FAF1: variants seen among roughly 807,000 people sequenced by gnomAD.
FAF1 encodes the protein FAS-associated factor 1.
In FAF1, 25 loss-of-function variants were observed where a neutral mutation model predicts 92.5. The observed-to-expected ratio is 0.27, with a 90% CI of 0.20 to 0.38. The LOEUF is 0.38. FAF1 is among the 10% of genes least tolerant of loss of function. The pLI is 1.00. For synonymous variants in FAF1, 234 were observed against 273.2 expected (o/e 0.86, Z 1.42); for missense variants, 636 against 793.3 (o/e 0.80, Z 2.38).
Position 50,959,857 on chromosome 1 carries a change from G to A in FAF1, c.-46C>T, listed in dbSNP as rs756330226. On this transcript the variant is annotated 5_prime_UTR_variant, in exon 1 of 19. Transcript: ENST00000396153. The stretch of plus-strand genomic sequence containing the variant: ...GCTCCGGGAGCGAAGCGCGCACCTG[G>A]GAGGCAGACGGCACCTCCTGCGACC... 4 of 1,462,816 alleles carry A rather than the reference G, an allele frequency of 2.7e-6. No individual in the cohort carries two copies. The East Asian group carries it at 8.6e-5, about 31-fold the overall frequency. 90.6% of individuals were successfully genotyped at this position (1,462,816 alleles called of 1,614,324 possible). A position where few individuals can be genotyped will look rare whatever the true frequency, so the allele number is the denominator to read the frequency against.
intron 18 of FAF1, among the ~76,000 whole-genome samples, chr1:50,442,727 G>C (rs1646184414): frequency 6.6e-6 from 1 of 152,208 alleles, no homozygotes; most frequent in African/African-American, 2.4e-5. Flanking sequence ...GGGGGATATG[G>C]GGAAGTGGAG....
intron 7 of FAF1, among the ~76,000 whole-genome samples, chr1:50,669,014 C>T (rs1655753237): frequency 6.6e-6 from 1 of 152,154 alleles, no homozygotes; most frequent in Non-Finnish European, 1.5e-5. Context: ...AAAAAACCGC[C>T]ACAAACCATG....
chr1:50,531,395 C>T (rs1648160492), intron 15 of FAF1, among the ~76,000 whole-genome samples: 1 of 152,112 alleles, frequency 6.6e-6, no homozygotes, highest in Admixed American at 6.6e-5. Context: ...TCTTGATTAT[C>T]AGAGGTTTCT....
At chr1:50,514,195 TTA>T (rs905415743) in intron 15 of FAF1, among the ~76,000 whole-genome samples, 3 of 152,256 alleles carry the variant, frequency 2.0e-5, no homozygotes, top group Admixed American at 2.0e-4. Context: ...CACCATTTAT[TTA>T]TATGTCTATT....
At chr1:50,452,016 C>A in intron 18 of FAF1, 1 of 1,262,794 alleles carries the variant, frequency 7.9e-7, no homozygotes, top group Non-Finnish European at 1.0e-6. Context: ...TATTAAATGA[C>A]AATATAAGTG....
rs74686822 is a variant in FAF1, at chr1:50,503,324, T to C, written c.1495-11523A>G. Among the ~76,000 whole-genome samples, 84 of 152,148 alleles carry C rather than the reference T, an allele frequency of 5.5e-4. 3 individuals are homozygous for C. In the East Asian group the frequency reaches 0.015, roughly 28 times the overall value. On this transcript the variant is annotated intron_variant, in intron 15 of 18. Coordinates refer to ENST00000396153, the MANE Select transcript of FAF1 (RefSeq NM_007051.3). ...AATTCCATTTCCATAAAAAATTGTA[T>C]AGATATTGTTAATGGGCCAGGTGCA...
intron 1 of FAF1, among the ~76,000 whole-genome samples, chr1:50,929,561 C>A (rs1310393715): frequency 6.6e-6 from 1 of 152,158 alleles, no homozygotes; most frequent in African/African-American, 2.4e-5. Flanking sequence ...CTTACATTAT[C>A]TTTTCTATCC....
At chr1:50,471,659 AG>A (rs1486187253) in intron 18 of FAF1, among the ~76,000 whole-genome samples, 1 of 152,176 alleles carries the variant, frequency 6.6e-6, no homozygotes, top group Non-Finnish European at 1.5e-5. Context: ...CACGTTCCCT[AG>A]GCTAGAACAG....
intron 8 of FAF1, among the ~76,000 whole-genome samples, chr1:50,630,295 G>A (rs1303349392): frequency 1.3e-5 from 2 of 152,100 alleles, no homozygotes; most frequent in Non-Finnish European, 2.9e-5. Flanking sequence ...TTCAAAAAGC[G>A]ATTTTAGTGC....
rs540421778 is a variant in FAF1, at chr1:50,618,414, G to GTTT, written c.745-22201_745-22199dup. 2.0e-3 allele frequency among the ~76,000 whole-genome samples: 224 copies of GTTT among 111,898 alleles called. 3 individuals carry two copies. Among genetic ancestry groups the GTTT allele is most frequent in the Non-Finnish European group, 3.0e-3 (166 of 56,060 alleles). The allele number at this position is 111,898 out of a possible 152,430, so 73.4% of individuals were successfully genotyped here. On this transcript the variant is annotated intron_variant, in intron 8 of 18. Coordinates refer to ENST00000396153, the MANE Select transcript of FAF1 (RefSeq NM_007051.3). ...TCCATCTGTTTGTGTAGTTTTTAGA[G>GTTT]TTTTTTTTTTTTTTTTTTTTGTATT...
intron 7 of FAF1, among the ~76,000 whole-genome samples, chr1:50,690,872 G>T (rs1656889942): frequency 6.6e-6 from 1 of 152,040 alleles, no homozygotes; most frequent in Non-Finnish European, 1.5e-5. Flanking sequence ...CATTTAGCAT[G>T]TTTTTAAGGT....
intron 4 of FAF1, among the ~76,000 whole-genome samples, chr1:50,757,713 C>G (rs1175093384): frequency 6.6e-6 from 1 of 151,998 alleles, no homozygotes; most frequent in Non-Finnish European, 1.5e-5. Flanking sequence ...CAATCTCTAC[C>G]TTTTATTATA....
chr1:50,467,398 C>T (rs1290037133), intron 18 of FAF1, among the ~76,000 whole-genome samples: 1 of 152,196 alleles, frequency 6.6e-6, no homozygotes, highest in Non-Finnish European at 1.5e-5. Context: ...ACTGCAACCT[C>T]TGTCTCCTGG....
chr1:50,657,750 C>T (rs1021403011), intron 7 of FAF1, among the ~76,000 whole-genome samples: 1 of 152,124 alleles, frequency 6.6e-6, no homozygotes, highest in African/African-American at 2.4e-5. Flanking sequence ...TACTAGTTCA[C>T]TACGGAAAGG....
chr1:50,656,937 G>A (rs943342800), intron 7 of FAF1, among the ~76,000 whole-genome samples: 5 of 152,158 alleles, frequency 3.3e-5, no homozygotes, highest in Middle Eastern at 3.4e-3. Context: ...GTTACTGGGC[G>A]TGGTGGTTCA....
intron 1 of FAF1, among the ~76,000 whole-genome samples, chr1:50,931,750 G>T (rs1183664956): frequency 6.6e-6 from 1 of 151,902 alleles, no homozygotes; most frequent in African/African-American, 2.4e-5. Context: ...AGAGGCAGGC[G>T]CCTGTAGTCC....
chr1:50,583,563 T>C lies in FAF1; in HGVS notation c.1031+89A>G. On this transcript the variant is annotated intron_variant, in intron 11 of 18. Transcript: ENST00000396153. The surrounding 1 kb of genome is among the most constrained non-coding windows in gnomAD (Gnocchi z 4.2). ...TCCTTTGAATACTTTAAGGAGAAACTTTAAACAATCTATAATTAAAATTGC... is the reference window on the plus strand; with the variant it reads ...TCCTTTGAATACTTTAAGGAGAAACCTTAAACAATCTATAATTAAAATTGC... 1.3e-6 allele frequency: 1 copy of C among 786,938 alleles called. No homozygotes were observed. The highest frequency in any genetic ancestry group is 2.0e-6 in the Non-Finnish European group (1 of 499,334). 48.7% of individuals were successfully genotyped at this position (786,938 alleles called of 1,614,324 possible).
chr1:50,768,732 C>T (rs1660669895), intron 4 of FAF1, among the ~76,000 whole-genome samples: 1 of 152,034 alleles, frequency 6.6e-6, no homozygotes, highest in South Asian at 2.1e-4. Flanking sequence ...TTCTTTGAAA[C>T]TAATGAGATC....
intron 6 of FAF1, among the ~76,000 whole-genome samples, chr1:50,723,414 A>G (rs1557494052): frequency 6.6e-6 from 1 of 151,962 alleles, no homozygotes; most frequent in African/African-American, 2.4e-5. Flanking sequence ...AAAAAAAAAA[A>G]TAAGTAGGAT....
Sources: gnomAD v4.1 joint callset for allele counts (sites outside exome capture counted in the v4.1 genomes callset) on GRCh38, gnomAD v4.1.1 for gene constraint, Gnocchi (gnomAD v3.1) non-coding constraint, MANE v1.5 for transcripts, NCBI Gene and HGNC (gene_info 2026-07-23, HGNC 2026-07-21) for gene names.